Variants in SAMD12 observed in about 807,000 individuals in gnomAD.
SAMD12 encodes the protein sterile alpha motif domain-containing protein 12.
SAMD12 carries 9 observed loss-of-function variants against 15.0 expected under a neutral mutation model. The observed-to-expected ratio is 0.60, with a 90% CI of 0.36 to 1.05. SAMD12 has a LOEUF of 1.05. Among genes scored for constraint, SAMD12 ranks in the 50% least tolerant of loss-of-function variants. The pLI is 0.01. For missense variants in SAMD12, 230 were observed against 234.2 expected (o/e 0.98, Z 0.12); for synonymous variants, 86 against 90.1 (o/e 0.96, Z 0.25).
intron 2 of SAMD12, among the ~76,000 whole-genome samples, chr8:118,571,338 G>T (rs993424444): frequency 6.6e-6 from 1 of 152,148 alleles, no homozygotes; most frequent in African/African-American, 2.4e-5. Flanking sequence ...GATCAATAAG[G>T]CCATCAAAAA....
At chr8:118,289,899 T>A (rs138636017) in intron 4 of SAMD12, among the ~76,000 whole-genome samples, 25 of 152,282 alleles carry the variant, frequency 1.6e-4, no homozygotes, top group African/African-American at 6.0e-4. Flanking sequence ...TGTAACTAGA[T>A]CAGAAAGATC....
At chr8:118,494,849 G>C (rs1196529037) in intron 2 of SAMD12, among the ~76,000 whole-genome samples, 1 of 152,136 alleles carries the variant, frequency 6.6e-6, no homozygotes, top group Non-Finnish European at 1.5e-5. Flanking sequence ...ACAAAGCATA[G>C]TATAATAAAA....
chr8:118,320,915 G>A (rs1223239908), intron 4 of SAMD12, among the ~76,000 whole-genome samples: 1 of 148,848 alleles, frequency 6.7e-6, no homozygotes, highest in East Asian at 2.0e-4. Flanking sequence ...ATATTTGGAA[G>A]TAGTGATGAG....
exon 5 of SAMD12, chr8:118,197,524 C>G: frequency 1.5e-6 from 1 of 654,934 alleles, no homozygotes; most frequent in Non-Finnish European, 2.8e-6. Context: ...ATTTTAAATC[C>G]ACAGCAAAGC....
At chr8:118,617,852 A>G (rs1828275309) in intron 1 of SAMD12, among the ~76,000 whole-genome samples, 1 of 152,044 alleles carries the variant, frequency 6.6e-6, no homozygotes, top group African/African-American at 2.4e-5. Context: ...ATGAATCCAC[A>G]TTTTTCTTCT....
chr8:118,242,462 G>A (rs569335940), intron 4 of SAMD12, among the ~76,000 whole-genome samples: 20 of 152,250 alleles, frequency 1.3e-4, no homozygotes, highest in Non-Finnish European at 2.4e-4. Context: ...TTTTCAGAGA[G>A]AGAGAGAGAT....
chr8:118,304,254 T>C (rs909934732), intron 4 of SAMD12, among the ~76,000 whole-genome samples: 1 of 152,212 alleles, frequency 6.6e-6, no homozygotes, highest in Non-Finnish European at 1.5e-5. Context: ...GTTTGGGAGA[T>C]GGGGAGATAA....
chr8:118,581,190 T>C (rs1827288287), intron 1 of SAMD12, among the ~76,000 whole-genome samples: 1 of 152,176 alleles, frequency 6.6e-6, no homozygotes, highest in Non-Finnish European at 1.5e-5. Context: ...TCAGGCAACG[T>C]TGTTACTGCT....
the SAMD12 span, among the ~76,000 whole-genome samples, chr8:118,164,054 T>G: frequency 6.6e-6 from 1 of 152,058 alleles, no homozygotes; most frequent in Non-Finnish European, 1.5e-5. Context: ...GGCTCTTCCT[T>G]GTAAGAGGAA....
chr8:118,332,180 T>C (rs1816834522), intron 4 of SAMD12, among the ~76,000 whole-genome samples: 1 of 152,244 alleles, frequency 6.6e-6, no homozygotes, highest in African/African-American at 2.4e-5. Flanking sequence ...ATATATGTAC[T>C]CCTGAAAGGC....
intron 2 of SAMD12, among the ~76,000 whole-genome samples, chr8:118,534,607 C>T (rs1427830564): frequency 6.6e-6 from 1 of 152,220 alleles, no homozygotes; most frequent in Non-Finnish European, 1.5e-5. Context: ...TGTCTTTTCA[C>T]ATAGTCCCAT....
intron 2 of SAMD12, among the ~76,000 whole-genome samples, chr8:118,509,772 C>T (rs1825023756): frequency 6.6e-6 from 1 of 152,076 alleles, no homozygotes; most frequent in Non-Finnish European, 1.5e-5. Context: ...TGATTTTTGT[C>T]CTTCACATGT....
At chr8:118,317,121 G>A (rs1815958319) in intron 4 of SAMD12, among the ~76,000 whole-genome samples, 1 of 152,130 alleles carries the variant, frequency 6.6e-6, no homozygotes, top group Non-Finnish European at 1.5e-5. Context: ...ACAAGCAAAG[G>A]AGAGAGGCCT....
chr8:118,470,727 A>G (rs1212033689), intron 2 of SAMD12, among the ~76,000 whole-genome samples: 1 of 152,264 alleles, frequency 6.6e-6, no homozygotes, highest in African/African-American at 2.4e-5. Flanking sequence ...GATAAGGCAC[A>G]TAATATAAAT....
intron 2 of SAMD12, among the ~76,000 whole-genome samples, chr8:118,514,062 T>C (rs1320585169): frequency 6.6e-6 from 1 of 152,188 alleles, no homozygotes; most frequent in Non-Finnish European, 1.5e-5. Flanking sequence ...TTTAAAGCAT[T>C]GGGGAGGTCA....
At chr8:118,220,638 A>C (rs1222214465) in intron 4 of SAMD12, among the ~76,000 whole-genome samples, 1 of 152,220 alleles carries the variant, frequency 6.6e-6, no homozygotes, top group Admixed American at 6.5e-5. Flanking sequence ...CCTAGGAGTC[A>C]GTTGCTAAAA....
At chr8:118,459,396 A>G (rs570022651) in intron 2 of SAMD12, among the ~76,000 whole-genome samples, 2 of 152,094 alleles carry the variant, frequency 1.3e-5, no homozygotes, top group East Asian at 1.9e-4. Context: ...TATCACATTA[A>G]CTTTGCAGTT....
chr8:118,329,674 G>A (rs1162679100), intron 4 of SAMD12, among the ~76,000 whole-genome samples: 1 of 152,182 alleles, frequency 6.6e-6, no homozygotes, highest in African/African-American at 2.4e-5. Flanking sequence ...TTGCCTGTTT[G>A]TGAAATTCAT....
chr8:118,327,935 C>T (rs527681034), intron 4 of SAMD12, among the ~76,000 whole-genome samples: 11 of 152,252 alleles, frequency 7.2e-5, no homozygotes, highest in African/African-American at 2.6e-4. Context: ...TTTCGATCTT[C>T]AAAATGCAGA....
Sources: gnomAD v4.1 joint callset for allele counts (sites outside exome capture counted in the v4.1 genomes callset) on GRCh38, gnomAD v4.1.1 for gene constraint, MANE v1.5 for transcripts, NCBI Gene and HGNC (gene_info 2026-07-23, HGNC 2026-07-21) for gene names.